Variants in SYN3 observed in about 807,000 individuals in gnomAD.
The protein encoded by SYN3 is synapsin III.
A neutral mutation model predicts 65.8 loss-of-function variants in SYN3; 35 were observed. That is an observed-to-expected ratio of 0.53 (90% CI 0.41 to 0.70). SYN3 has a LOEUF of 0.70. SYN3 is among the 30% of genes least tolerant of loss of function. The pLI, the probability that SYN3 is intolerant of heterozygous loss-of-function variation, is 0.00. For missense variants in SYN3, 680 were observed against 749.0 expected (o/e 0.91, Z 1.08); for synonymous variants, 270 against 292.9 (o/e 0.92, Z 0.80).
At position 32,875,876 on chromosome 22, in the gene SYN3, C is replaced by A. The variant is rs866186801; in HGVS notation, c.462-6751G>T. ...GAGAATGAATTTCTGTTATTTAAGC[C>A]ACCCAACCTGTGGTGCTTTGTTATA... On this transcript the variant is annotated intron_variant, in intron 4 of 13. Coordinates refer to ENST00000358763, the MANE Select transcript of SYN3 (RefSeq NM_003490.4). Among the ~76,000 whole-genome samples, 5 of 152,120 alleles carry A rather than the reference C, an allele frequency of 3.3e-5. No individual in the cohort carries two copies. In the South Asian group the frequency reaches 6.2e-4, roughly 19 times the overall value.
rs543464364 is a variant in SYN3 at position 32,569,772 on chromosome 22, G to A, written c.774+26902C>T. 1.6e-4 allele frequency among the ~76,000 whole-genome samples: 25 copies of A among 152,106 alleles called. No homozygotes were observed. The South Asian group carries it at 3.5e-3, about 21-fold the overall frequency. ...TCTCTAAACCTTAATTTTCTCATCC[G>A]TAAAATGGGGTTTGTAATAGTACCT... On this transcript the variant is annotated intron_variant, in intron 7 of 13. Coordinates refer to ENST00000358763, the MANE Select transcript of SYN3 (RefSeq NM_003490.4).
At chr22:33,057,547 A>G (rs13057166) in intron 1 of SYN3, 41,799 of 152,274 alleles carry the variant, frequency 0.27, 6,392 homozygotes, top group South Asian at 0.38. Flanking sequence ...CCTCTCTGAA[A>G]CCTTCCTGGC....
At chr22:33,021,518 C>T (rs1380495580) in intron 1 of SYN3, among the ~76,000 whole-genome samples, 2 of 152,190 alleles carry the variant, frequency 1.3e-5, no homozygotes, top group Non-Finnish European at 2.9e-5. Flanking sequence ...AGGCCTGGCA[C>T]ATTTCTTAGA....
intron 4 of SYN3, among the ~76,000 whole-genome samples, chr22:32,916,159 C>A (rs2050180721): frequency 6.6e-6 from 1 of 152,216 alleles, no homozygotes; most frequent in Admixed American, 6.5e-5. Flanking sequence ...AGGCAACAGA[C>A]TGAATGTGAA....
intron 3 of SYN3, among the ~76,000 whole-genome samples, chr22:32,959,371 G>C (rs1335917174): frequency 6.6e-6 from 1 of 151,906 alleles, no homozygotes; most frequent in Non-Finnish European, 1.5e-5. Context: ...CCAGTCTCGG[G>C]TATGTCTTTA....
Position 32,652,820 on chromosome 22 carries a change from C to T in SYN3, c.712-56084G>A, listed in dbSNP as rs187715044. Among the ~76,000 whole-genome samples the T allele has an allele frequency of 5.9e-4, 90 of 152,254 alleles. 1 individual carries two copies. The highest frequency in any genetic ancestry group is 5.1e-3 in the Admixed American group (78 of 15,300). ...GGAGATCAGAACCGAGAGGTCCTGACGCCCTGTCCAGGCTGGCTCCACCCC... is the reference window on the plus strand; with the variant it reads ...GGAGATCAGAACCGAGAGGTCCTGATGCCCTGTCCAGGCTGGCTCCACCCC... On this transcript the variant is annotated intron_variant, in intron 6 of 13. Transcript: ENST00000358763.
chr22:32,882,347 G>A (rs1478247969), intron 4 of SYN3, among the ~76,000 whole-genome samples: 1 of 152,160 alleles, frequency 6.6e-6, no homozygotes, highest in Non-Finnish European at 1.5e-5. Context: ...GTGCAGGGAA[G>A]GGTGTAGACA....
intron 6 of SYN3, among the ~76,000 whole-genome samples, chr22:32,769,769 G>A (rs375255625): frequency 1.3e-5 from 2 of 151,952 alleles, no homozygotes; most frequent in African/African-American, 2.4e-5. Flanking sequence ...CGCCTGTCTC[G>A]GCCTCCCAAA....
chr22:32,933,601 GT>G (rs2050695814), intron 3 of SYN3, among the ~76,000 whole-genome samples: 1 of 151,880 alleles, frequency 6.6e-6, no homozygotes, highest in South Asian at 2.1e-4. Context: ...GCTAATTTTT[GT>G]TTGTTTGTTT....
chr22:32,929,818 T>G (rs10483167), intron 4 of SYN3, among the ~76,000 whole-genome samples: 37,366 of 152,028 alleles, frequency 0.25, 5,737 homozygotes, highest in South Asian at 0.35. Context: ...CACTAAGCTC[T>G]CAAAACCAGT....
chr22:32,854,412 C>T (rs1032897676), intron 6 of SYN3, among the ~76,000 whole-genome samples: 2 of 152,176 alleles, frequency 1.3e-5, no homozygotes, highest in Non-Finnish European at 2.9e-5. Context: ...TTCATTCTCT[C>T]ACCCACGAAG....
intron 6 of SYN3, among the ~76,000 whole-genome samples, chr22:32,703,725 A>G (rs1345381094): frequency 1.3e-5 from 2 of 152,112 alleles, no homozygotes; most frequent in Non-Finnish European, 2.9e-5. Context: ...TGATGGCAAA[A>G]GTCTTGAGGT....
At chr22:32,810,810 A>G (rs1315703011) in intron 6 of SYN3, among the ~76,000 whole-genome samples, 1 of 152,130 alleles carries the variant, frequency 6.6e-6, no homozygotes, top group African/African-American at 2.4e-5. Context: ...GTGTTTGACT[A>G]AGGTGTTTGC....
At chr22:32,568,076 G>C (rs1486500913) in intron 7 of SYN3, among the ~76,000 whole-genome samples, 2 of 152,210 alleles carry the variant, frequency 1.3e-5, no homozygotes, top group African/African-American at 2.4e-5. Flanking sequence ...AAGGCTGTTA[G>C]AATCTTCCTG....
At chr22:32,778,453 T>C (rs5749508) in intron 6 of SYN3, among the ~76,000 whole-genome samples, 86,434 of 149,746 alleles carry the variant, frequency 0.58, 25,164 homozygotes, top group African/African-American at 0.71. Context: ...CATGTCCAGC[T>C]AATTTTTGTA....
chr22:32,672,218 G>A (rs1056570843), intron 6 of SYN3, among the ~76,000 whole-genome samples: 1 of 152,150 alleles, frequency 6.6e-6, no homozygotes, highest in Non-Finnish European at 1.5e-5. Context: ...GGTCTGCATA[G>A]CCCTATTAAT....
At position 33,045,459 on chromosome 22, in the gene SYN3, C is replaced by CTTT. The variant is rs745442160; in HGVS notation, c.-163+12830_-163+12832dup. Among the ~76,000 whole-genome samples the CTTT allele has an allele frequency of 9.0e-4, 76 of 84,696 alleles. 6 individuals are homozygous for CTTT. The highest frequency in any genetic ancestry group is 1.4e-3 in the Non-Finnish European group (58 of 42,232). 55.6% of individuals were successfully genotyped at this position (84,696 alleles called of 152,430 possible). On this transcript the variant is annotated intron_variant, in intron 1 of 13. Coordinates refer to ENST00000358763, the MANE Select transcript of SYN3 (RefSeq NM_003490.4). ...TTCATCAACCAGGTGGCTCTACTTT[C>CTTT]TTTTTTTTTTTTTTTTTTTTTTTTT... is the stretch of plus-strand genomic sequence containing the variant.
At chr22:32,825,312 A>AAGAGG (rs1240226587) in intron 6 of SYN3, among the ~76,000 whole-genome samples, 5 of 152,168 alleles carry the variant, frequency 3.3e-5, no homozygotes, top group Non-Finnish European at 7.3e-5. Context: ...CAGGTTTAGA[A>AAGAGG]AGAGGAGAGA....
chr22:32,980,782 A>G (rs963777833), intron 2 of SYN3, 80 bp from the exon 3 acceptor site: 2 of 1,266,890 alleles, frequency 1.6e-6, no homozygotes, highest in Admixed American at 1.7e-5. Flanking sequence ...GCCTTACCCC[A>G]GAGGTGCATA....
Sources: gnomAD v4.1 joint callset for allele counts (sites outside exome capture counted in the v4.1 genomes callset) on GRCh38, gnomAD v4.1.1 for gene constraint, MANE v1.5 for transcripts, NCBI Gene and HGNC (gene_info 2026-07-23, HGNC 2026-07-21) for gene names.